The following CTNND2 variants were observed in gnomAD, a reference collection of about 807,000 sequenced individuals.
CTNND2 encodes the protein catenin delta-2.
In CTNND2, 22 loss-of-function variants were observed where a neutral mutation model predicts 144.4. That is an observed-to-expected ratio of 0.15 (90% CI 0.11 to 0.22). CTNND2 has a LOEUF of 0.22. Ranked by LOEUF, CTNND2 falls within the 10% of genes least tolerant of loss-of-function variation. The probability of loss-of-function intolerance (pLI) is 1.00; values close to 1 mark genes in which losing one functional copy is unlikely to be tolerated. For missense variants in CTNND2, 1,353 were observed against 1,618.8 expected (o/e 0.84, Z 2.82); for synonymous variants, 751 against 695.6 (o/e 1.08, Z -1.25).
At chr5:11,274,050 G>A (rs1430978328) in intron 9 of CTNND2, among the ~76,000 whole-genome samples, 1 of 151,976 alleles carries the variant, frequency 6.6e-6, no homozygotes, top group Non-Finnish European at 1.5e-5. Context: ...TGCTCTCCTT[G>A]TCTCCTGCTC....
intron 12 of CTNND2, among the ~76,000 whole-genome samples, chr5:11,157,656 G>A (rs567315756): frequency 3.9e-5 from 6 of 152,346 alleles, no homozygotes; most frequent in African/African-American, 1.4e-4. Context: ...TCTTGGCTTT[G>A]TTGGAAAAAT....
At chr5:11,298,934 G>C (rs1238390785) in intron 9 of CTNND2, among the ~76,000 whole-genome samples, 3 of 152,064 alleles carry the variant, frequency 2.0e-5, no homozygotes, top group South Asian at 4.2e-4. Flanking sequence ...CGTAATGATT[G>C]GTGGTGAATT....
At chr5:11,625,034 C>A (rs942017813) in intron 2 of CTNND2, among the ~76,000 whole-genome samples, 2 of 151,960 alleles carry the variant, frequency 1.3e-5, no homozygotes, top group Admixed American at 6.6e-5. Flanking sequence ...AAACTAAACA[C>A]CCTTCAACAA....
At chr5:11,396,203 T>C (rs1017461485) in intron 6 of CTNND2, among the ~76,000 whole-genome samples, 5 of 152,186 alleles carry the variant, frequency 3.3e-5, no homozygotes, top group African/African-American at 4.8e-5. Context: ...ACACAGAGGT[T>C]AGAAGGACTT....
intron 3 of CTNND2, among the ~76,000 whole-genome samples, chr5:11,466,928 G>GA (rs1766736628): frequency 6.6e-6 from 1 of 152,236 alleles, no homozygotes; most frequent in African/African-American, 2.4e-5. Context: ...CACCATGAAA[G>GA]AAATCTGTGC....
chr5:11,429,972 C>A (rs185187382), intron 3 of CTNND2, among the ~76,000 whole-genome samples: 412 of 152,134 alleles, frequency 2.7e-3, no homozygotes, highest in African/African-American at 9.6e-3. Context: ...AATAAAGGGG[C>A]CAGGTGCAGT....
At chr5:11,782,655 A>G (rs974289540) in intron 1 of CTNND2, among the ~76,000 whole-genome samples, 5 of 152,186 alleles carry the variant, frequency 3.3e-5, no homozygotes, top group African/African-American at 1.2e-4. Flanking sequence ...CATTCCAAAA[A>G]AATTTATTTG....
intron 1 of CTNND2, among the ~76,000 whole-genome samples, chr5:11,810,439 A>G (rs186360926): frequency 6.6e-6 from 1 of 151,556 alleles, no homozygotes; most frequent in East Asian, 2.0e-4. Flanking sequence ...GATAAATTAT[A>G]AGAAAACATT....
intron 18 of CTNND2, among the ~76,000 whole-genome samples, chr5:11,000,494 C>T (rs1417984976): frequency 6.6e-6 from 1 of 152,176 alleles, no homozygotes; most frequent in Non-Finnish European, 1.5e-5. Flanking sequence ...GCACTCCAGC[C>T]TGGGTGAAAG....
chr5:11,139,259 C>T (rs548809354), intron 12 of CTNND2, among the ~76,000 whole-genome samples: 85 of 152,312 alleles, frequency 5.6e-4, no homozygotes, highest in African/African-American at 1.7e-3. Context: ...CCACACCCGG[C>T]CAGAAACCAT....
rs191915432 is a variant in CTNND2, at chr5:11,468,632, C to T, written c.288-56563G>A. Among the ~76,000 whole-genome samples, 53 of 152,274 alleles carry T rather than the reference C, an allele frequency of 3.5e-4. No homozygotes were observed. In the South Asian group the frequency reaches 8.7e-3, roughly 25 times the overall value. On this transcript the variant is annotated intron_variant, in intron 3 of 21. Coordinates refer to ENST00000304623, the MANE Select transcript of CTNND2 (RefSeq NM_001332.4). The stretch of plus-strand genomic sequence containing the variant: ...CTCAAACCCTCCTGCGAGGCTTTAA[C>T]GTTAATGACTACACTTATTCATTTC...
At chr5:11,889,966 A>C (rs1456995593) in intron 1 of CTNND2, among the ~76,000 whole-genome samples, 3 of 152,228 alleles carry the variant, frequency 2.0e-5, no homozygotes, top group Non-Finnish European at 4.4e-5. Context: ...CAAGTCATAG[A>C]CAGTACCTTC....
chr5:11,423,940 T>C (rs1018350012), intron 3 of CTNND2, among the ~76,000 whole-genome samples: 1 of 152,202 alleles, frequency 6.6e-6, no homozygotes, highest in Non-Finnish European at 1.5e-5. Context: ...AAAATAAGTT[T>C]CAATCTTAGC....
At chr5:11,453,563 A>C (rs1282987709) in intron 3 of CTNND2, among the ~76,000 whole-genome samples, 1 of 152,232 alleles carries the variant, frequency 6.6e-6, no homozygotes, top group Non-Finnish European at 1.5e-5. Flanking sequence ...GTATCAGACT[A>C]TCAGAAAGCC....
chr5:11,249,650 T>G (rs1743361864), intron 9 of CTNND2, among the ~76,000 whole-genome samples: 1 of 152,180 alleles, frequency 6.6e-6, no homozygotes, highest in Admixed American at 6.5e-5. Context: ...CCATTCGTAT[T>G]CATATTTGAC....
chr5:11,404,602 C>CCTTTT (rs1760925742), intron 5 of CTNND2, among the ~76,000 whole-genome samples: 1 of 57,368 alleles, frequency 1.7e-5, no homozygotes, highest in Non-Finnish European at 4.0e-5. Flanking sequence ...TATCTGTATT[C>CCTTTT]TTTTTTTTTT....
At chr5:11,218,350 T>A (rs537010096) in intron 10 of CTNND2, among the ~76,000 whole-genome samples, 1 of 152,312 alleles carries the variant, frequency 6.6e-6, no homozygotes, top group South Asian at 2.1e-4. Flanking sequence ...TGGTGCCAAC[T>A]CTGACAGTCT....
intron 3 of CTNND2, among the ~76,000 whole-genome samples, chr5:11,438,527 G>C (rs1222045015): frequency 6.6e-6 from 1 of 152,134 alleles, no homozygotes; most frequent in Non-Finnish European, 1.5e-5. Context: ...ACTTGATAAA[G>C]GGTCTGAGTT....
At chr5:11,121,794 C>T (rs1473253947) in intron 12 of CTNND2, among the ~76,000 whole-genome samples, 1 of 152,170 alleles carries the variant, frequency 6.6e-6, no homozygotes, top group Non-Finnish European at 1.5e-5. Context: ...GTCTCTGCTT[C>T]AGATGGCCAG....
Sources: allele counts gnomAD v4.1 joint callset (sites outside exome capture counted in the v4.1 genomes callset), GRCh38; gene constraint gnomAD v4.1.1; transcripts MANE v1.5; gene names NCBI Gene and HGNC (gene_info 2026-07-23, HGNC 2026-07-21).